The following ACACA variants were observed in gnomAD, a reference collection of about 807,000 sequenced individuals.
The protein encoded by ACACA is acetyl-CoA carboxylase 1.
In ACACA, 103 loss-of-function variants were observed where a neutral mutation model predicts 296.1. That is an observed-to-expected ratio of 0.35 (90% CI 0.30 to 0.41). ACACA has a LOEUF of 0.41. Ranked by LOEUF, ACACA falls within the 10% of genes least tolerant of loss-of-function variation. The pLI is 1.00. For synonymous variants in ACACA, 953 were observed against 1,038.6 expected (o/e 0.92, Z 1.58); for missense variants, 1,554 against 2,989.7 (o/e 0.52, Z 11.20).
At chr17:37,094,246 A>T (rs1215339209) in intron 54 of ACACA, among the ~76,000 whole-genome samples, 1 of 152,194 alleles carries the variant, frequency 6.6e-6, no homozygotes, top group Non-Finnish European at 1.5e-5. Context: ...GTGGATTCAA[A>T]CAGACTCCCA....
At chr17:37,139,093 A>C in intron 45 of ACACA, among the ~76,000 whole-genome samples, 1 of 152,218 alleles carries the variant, frequency 6.6e-6, no homozygotes. Context: ...TCAAGTGAGC[A>C]CTGATCTGCA....
At chr17:37,337,769 T>C (rs994267621) in intron 2 of ACACA, among the ~76,000 whole-genome samples, 55 of 151,702 alleles carry the variant, frequency 3.6e-4, no homozygotes, top group Non-Finnish European at 7.4e-5. Flanking sequence ...TTTCTGAAAG[T>C]GAACTGGAGA....
At position 37,166,679 on chromosome 17, in the gene ACACA, G is replaced by A. The variant is rs985764745; in HGVS notation, c.5080-4629C>T. 3.9e-5 allele frequency among the ~76,000 whole-genome samples: 6 copies of A among 152,244 alleles called. No individual in the cohort carries two copies. In the South Asian group the frequency reaches 8.3e-4, roughly 21 times the overall value. On this transcript the variant is annotated intron_variant, in intron 41 of 55. Coordinates refer to ENST00000616317, the MANE Select transcript of ACACA (RefSeq NM_198834.3). ...TTAAGCTGCAAAGTCAAGCTGTCTT[G>A]GTTCAAATCTCAGTTTTATGCTAGC...
chr17:37,280,589 A>G (rs1165631906), intron 5 of ACACA, among the ~76,000 whole-genome samples: 4 of 152,212 alleles, frequency 2.6e-5, no homozygotes, highest in African/African-American at 9.6e-5. Flanking sequence ...ATAATATGGT[A>G]TCAAGGATTT....
intron 29 of ACACA, among the ~76,000 whole-genome samples, chr17:37,219,987 CAAT>C (rs2079209990): frequency 6.6e-6 from 1 of 151,936 alleles, no homozygotes. Flanking sequence ...ATGACAATAA[CAAT>C]AATAATCCAG....
chr17:37,406,146 A>C (rs777770382), intron 1 of ACACA, 116 bp downstream of exon 1: 174 of 1,212,774 alleles, frequency 1.4e-4, no homozygotes, highest in Non-Finnish European at 1.9e-4. Flanking sequence ...ACAAGTTTTA[A>C]ATGAGACCGT....
At chr17:37,393,125 C>A (rs2050951606) in intron 1 of ACACA, among the ~76,000 whole-genome samples, 1 of 135,900 alleles carries the variant, frequency 7.4e-6, no homozygotes, top group Admixed American at 8.1e-5. Flanking sequence ...GCCTGAGTGA[C>A]AGGAGCAAAA....
chr17:37,094,389 T>G (rs1277660547), intron 54 of ACACA, among the ~76,000 whole-genome samples: 1 of 152,190 alleles, frequency 6.6e-6, no homozygotes, highest in Non-Finnish European at 1.5e-5. Flanking sequence ...ACAAATTCTC[T>G]GGGAACAAAA....
At chr17:37,316,331 A>C (rs970075504) in intron 3 of ACACA, among the ~76,000 whole-genome samples, 1 of 151,526 alleles carries the variant, frequency 6.6e-6, no homozygotes, top group African/African-American at 2.4e-5. Context: ...ACACACACAC[A>C]CACCCCTAAC....
chr17:37,381,883 T>C (rs1055299550), intron 1 of ACACA, among the ~76,000 whole-genome samples: 3 of 152,130 alleles, frequency 2.0e-5, no homozygotes, highest in African/African-American at 4.8e-5. Flanking sequence ...CGCCTTGGCC[T>C]CCCAAAGTGC....
intron 41 of ACACA, among the ~76,000 whole-genome samples, chr17:37,176,082 C>T (rs2077103001): frequency 6.6e-6 from 1 of 152,110 alleles, no homozygotes; most frequent in South Asian, 2.1e-4. Flanking sequence ...TACCTATTTA[C>T]TGTCCTGGAA....
intron 1 of ACACA, among the ~76,000 whole-genome samples, chr17:37,363,003 G>T (rs982145355): frequency 1.3e-5 from 2 of 148,520 alleles, no homozygotes; most frequent in South Asian, 4.2e-4. Context: ...AAACCACCAG[G>T]GTGCTTGTTA....
At chr17:37,318,442 T>C (rs901743595) in intron 3 of ACACA, among the ~76,000 whole-genome samples, 2 of 152,214 alleles carry the variant, frequency 1.3e-5, no homozygotes, top group African/African-American at 4.8e-5. Context: ...GGTTTCGCCA[T>C]GTTGGCCAGG....
In ACACA at chr17:37,314,610, C is replaced by T. The variant is rs77040980; in HGVS notation, c.338+15563G>A. On this transcript the variant is annotated intron_variant, in intron 3 of 55. Coordinates refer to ENST00000616317, the MANE Select transcript of ACACA (RefSeq NM_198834.3). ...ACCAGAGGCTGTAATCTAATAAATC[C>T]GGGATAGGACTCAGGAATCCACACT... Among the ~76,000 whole-genome samples, 202 of 150,218 alleles carry T rather than the reference C, an allele frequency of 1.3e-3. 1 individual carries two copies. Among genetic ancestry groups the T allele is most frequent in the African/African-American group, 4.6e-3 (188 of 40,766 alleles).
intron 1 of ACACA, among the ~76,000 whole-genome samples, chr17:37,386,357 C>A (rs185840032): frequency 6.6e-6 from 1 of 151,902 alleles, no homozygotes; most frequent in Non-Finnish European, 1.5e-5. Flanking sequence ...TTTGGGAGGC[C>A]GAGGTGGGCG....
chr17:37,397,959 G>A lies in ACACA; in HGVS notation c.38+8303C>T, dbSNP rs898188389. Among the ~76,000 whole-genome samples the A allele has an allele frequency of 5.9e-5, 9 of 152,106 alleles. No homozygotes were observed. The South Asian group carries it at 1.2e-3, about 21-fold the overall frequency. ...AAAATGTAAAATGGGGGCTGGGCGC[G>A]GTGACTCACTCCTGTAATCCCAGCA... On this transcript the variant is annotated intron_variant, in intron 1 of 55. Transcript: ENST00000616317.
intron 1 of ACACA, among the ~76,000 whole-genome samples, chr17:37,377,588 A>AG: frequency 1.3e-5 from 2 of 152,140 alleles, no homozygotes; most frequent in East Asian, 3.9e-4. Context: ...TGAACCCAGG[A>AG]GGTGAATGTT....
At chr17:37,209,294 A>G (rs1382907172) in intron 30 of ACACA, among the ~76,000 whole-genome samples, 3 of 152,216 alleles carry the variant, frequency 2.0e-5, no homozygotes, top group Admixed American at 1.3e-4. Context: ...AAATATATTT[A>G]CTAAAAAAGC....
intron 1 of ACACA, chr17:37,379,244 G>C (rs2050139322): frequency 2.5e-6 from 4 of 1,614,000 alleles, no homozygotes; most frequent in Non-Finnish European, 3.4e-6. Flanking sequence ...TGTATATTTG[G>C]AGAGAAGGCC....
Sources: allele counts gnomAD v4.1 joint callset (sites outside exome capture counted in the v4.1 genomes callset), GRCh38; gene constraint gnomAD v4.1.1; transcripts MANE v1.5; gene names NCBI Gene and HGNC (gene_info 2026-07-23, HGNC 2026-07-21).